ZBTB38: variants seen among roughly 807,000 people sequenced by gnomAD.
ZBTB38 encodes zinc finger and BTB domain-containing protein 38.
Under a neutral mutation model 76.8 loss-of-function variants are expected in ZBTB38, and 20 were observed. The ratio of observed to expected loss-of-function variants is 0.26; its 90% CI spans 0.18 to 0.38. ZBTB38 has a LOEUF of 0.38. Ranked by LOEUF, ZBTB38 falls within the 10% of genes least tolerant of loss-of-function variation. The pLI is 1.00. For synonymous variants in ZBTB38, 504 were observed against 544.2 expected (o/e 0.93, Z 1.03); for missense variants, 1,082 against 1,482.3 (o/e 0.73, Z 4.43).
chr3:141,410,972 C>T (rs1349389996), intron 5 of ZBTB38, among the ~76,000 whole-genome samples: 3 of 152,118 alleles, frequency 2.0e-5, no homozygotes, highest in Admixed American at 6.5e-5. Flanking sequence ...TTCAGCAACC[C>T]GTGAAGGCAG....
chr3:141,351,850 G>A (rs1035092460), intron 1 of ZBTB38, among the ~76,000 whole-genome samples: 1 of 151,808 alleles, frequency 6.6e-6, no homozygotes, highest in African/African-American at 2.4e-5. Flanking sequence ...TTATAGATGA[G>A]TTAAGCTTAT....
chr3:141,417,601 C>A (rs1410362326), intron 5 of ZBTB38, among the ~76,000 whole-genome samples: 1 of 152,228 alleles, frequency 6.6e-6, no homozygotes, highest in Non-Finnish European at 1.5e-5. Flanking sequence ...TTCAGACTTT[C>A]TCCAGACATC....
chr3:141,419,527 A>G (rs1022009708), intron 5 of ZBTB38, among the ~76,000 whole-genome samples: 1 of 152,354 alleles, frequency 6.6e-6, no homozygotes, highest in Non-Finnish European at 1.5e-5. Context: ...TGAAGCTCAG[A>G]GTCACAAGAT....
At chr3:141,429,715 C>T (rs968810058) in intron 5 of ZBTB38, among the ~76,000 whole-genome samples, 2 of 152,186 alleles carry the variant, frequency 1.3e-5, no homozygotes, top group African/African-American at 4.8e-5. Context: ...ACCAAAGGGG[C>T]AGCAGATAGA....
At chr3:141,336,817 C>T (rs1037611348) in intron 1 of ZBTB38, among the ~76,000 whole-genome samples, 8 of 152,262 alleles carry the variant, frequency 5.3e-5, no homozygotes, top group Admixed American at 3.9e-4. Flanking sequence ...TGCCAGTAGC[C>T]CCCAGGAGAA....
chr3:141,412,804 G>GT (rs1337185452), intron 5 of ZBTB38, among the ~76,000 whole-genome samples: 2,357 of 145,200 alleles, frequency 0.016, 38 homozygotes, highest in African/African-American at 0.043. Context: ...TTTCCACTCG[G>GT]TTTTTTTTTT....
chr3:141,410,309 C>T (rs1196295546), intron 5 of ZBTB38, among the ~76,000 whole-genome samples: 1 of 152,122 alleles, frequency 6.6e-6, no homozygotes, highest in Non-Finnish European at 1.5e-5. Flanking sequence ...AATGAAGACT[C>T]TTACAGAAGG....
rs576741197 is a variant in ZBTB38, at chr3:141,447,623, T to C, written c.*1647T>C. 6.6e-6 allele frequency: 1 copy of C among 152,522 alleles called. No individual in the cohort carries two copies. Among genetic ancestry groups the C allele is most frequent in the African/African-American group, 2.4e-5 (1 of 41,574 alleles). The allele number at this position is 152,522 out of a possible 1,614,324, so 9.4% of individuals were successfully genotyped here. ...CGTGACCTGCAGTCATTCATGTTCA[T>C]TGGATTTGACAGATGGAAACCCAAG... On this transcript the variant is annotated 3_prime_UTR_variant, in exon 6 of 6. Transcript: ENST00000321464.
chr3:141,392,692 G>C (rs1251564215), intron 4 of ZBTB38: 1 of 152,202 alleles, frequency 6.6e-6, no homozygotes, highest in Non-Finnish European at 1.5e-5. Context: ...GCATTGCCAG[G>C]TGACCTCAAT....
At position 141,392,034 on chromosome 3, in the gene ZBTB38, G is replaced by A. The variant is rs76587092; in HGVS notation, c.-106+5097G>A. 7.4e-4 allele frequency among the ~76,000 whole-genome samples: 113 copies of A among 152,332 alleles called. No homozygotes were observed. In the East Asian group the frequency reaches 0.011, roughly 15 times the overall value. Reference sequence around the variant, plus strand: ...TGACAAAGGTCAGGGAACAAAGGGAGAAGTTTGCTATGTGAGTTAGAAACT... The same window carrying A: ...TGACAAAGGTCAGGGAACAAAGGGAAAAGTTTGCTATGTGAGTTAGAAACT... On this transcript the variant is annotated intron_variant, in intron 4 of 5. Coordinates refer to ENST00000321464, the MANE Select transcript of ZBTB38 (RefSeq NM_001376113.1).
intron 1 of ZBTB38, among the ~76,000 whole-genome samples, chr3:141,360,206 T>C (rs1943778917): frequency 6.6e-6 from 1 of 152,160 alleles, no homozygotes; most frequent in African/African-American, 2.4e-5. Flanking sequence ...CACAATTCAG[T>C]GTCCTCTAAT....
At chr3:141,416,256 A>G (rs969046408) in intron 5 of ZBTB38, among the ~76,000 whole-genome samples, 4 of 152,216 alleles carry the variant, frequency 2.6e-5, no homozygotes, top group Admixed American at 2.0e-4. Flanking sequence ...TTAAAAATGA[A>G]TTAAAAGCCT....
At chr3:141,421,561 C>T (rs943176459) in intron 5 of ZBTB38, among the ~76,000 whole-genome samples, 1 of 151,846 alleles carries the variant, frequency 6.6e-6, no homozygotes, top group Non-Finnish European at 1.5e-5. Context: ...AGATGTATAG[C>T]CCAGGAAAGG....
At chr3:141,398,217 G>A (rs1240150590) in intron 4 of ZBTB38, among the ~76,000 whole-genome samples, 2 of 151,844 alleles carry the variant, frequency 1.3e-5, no homozygotes, top group African/African-American at 4.8e-5. Flanking sequence ...GTAAACTGGG[G>A]CCCTATTGGC....
At chr3:141,347,866 T>C (rs1159264524) in intron 1 of ZBTB38, among the ~76,000 whole-genome samples, 3 of 152,262 alleles carry the variant, frequency 2.0e-5, no homozygotes, top group African/African-American at 7.2e-5. Flanking sequence ...GCTGTCACTA[T>C]TCTTAGCTTC....
At chr3:141,401,324 A>G (rs1165834269) in intron 4 of ZBTB38, among the ~76,000 whole-genome samples, 1 of 152,204 alleles carries the variant, frequency 6.6e-6, no homozygotes, top group African/African-American at 2.4e-5. Context: ...GAGGTTGGGA[A>G]ATGCTAATAT....
chr3:141,325,602 G>A (rs1942649389), intron 1 of ZBTB38, among the ~76,000 whole-genome samples: 1 of 152,198 alleles, frequency 6.6e-6, no homozygotes, highest in Non-Finnish European at 1.5e-5. Flanking sequence ...AAAATAAAAT[G>A]TAACCTAGGA....
chr3:141,361,096 C>G (rs1429790887), intron 1 of ZBTB38, among the ~76,000 whole-genome samples: 1 of 152,172 alleles, frequency 6.6e-6, no homozygotes, highest in African/African-American at 2.4e-5. Context: ...TTTTCCTCTC[C>G]TCTTGACTTT....
In ZBTB38 at chr3:141,435,340, A is replaced by G. The variant is rs1055077461; in HGVS notation, c.1-7049A>G. On this transcript the variant is annotated intron_variant, in intron 5 of 5. Coordinates refer to ENST00000321464, the MANE Select transcript of ZBTB38 (RefSeq NM_001376113.1). ...GTTTTGGATGCTGAATTATATGTTCATCCTATTTCTACATCTGTGCATATA... is the reference window on the plus strand; with the variant it reads ...GTTTTGGATGCTGAATTATATGTTCGTCCTATTTCTACATCTGTGCATATA... 7.9e-4 allele frequency among the ~76,000 whole-genome samples: 120 copies of G among 152,134 alleles called. 1 individual carries two copies. Among genetic ancestry groups the G allele is most frequent in the Non-Finnish European group, 1.5e-4 (10 of 68,036 alleles).
Sources: gnomAD v4.1 joint callset for allele counts (sites outside exome capture counted in the v4.1 genomes callset) on GRCh38, gnomAD v4.1.1 for gene constraint, MANE v1.5 for transcripts, NCBI Gene and HGNC (gene_info 2026-07-23, HGNC 2026-07-21) for gene names.